Variants in UBE2D2 observed in about 807,000 individuals in gnomAD.
The protein encoded by UBE2D2 is ubiquitin-conjugating enzyme E2 D2.
In UBE2D2, 2 loss-of-function variants were observed where a neutral mutation model predicts 24.2. That is an observed-to-expected ratio of 0.08 (90% CI 0.03 to 0.26). UBE2D2 has a LOEUF of 0.26. UBE2D2 is among the 10% of genes least tolerant of loss of function. The pLI is 1.00. For missense variants in UBE2D2, 44 were observed against 177.6 expected (o/e 0.25, Z 4.28); for synonymous variants, 58 against 56.5 (o/e 1.03, Z -0.12).
chr5:139,538,968 C>T (rs1026904325), intron 1 of UBE2D2, among the ~76,000 whole-genome samples: 1 of 151,690 alleles, frequency 6.6e-6, no homozygotes, highest in Admixed American at 6.6e-5. Flanking sequence ...ACAAAAGGGA[C>T]GAATGTTGAC....
intron 1 of UBE2D2, among the ~76,000 whole-genome samples, chr5:139,596,919 C>T (rs1753975270): frequency 6.6e-6 from 1 of 151,744 alleles, no homozygotes; most frequent in Non-Finnish European, 1.5e-5. Flanking sequence ...TGGTGGTGGG[C>T]ACCTGTAGTC....
At position 139,627,852 on chromosome 5, in the gene UBE2D2, T is replaced by C. The variant is rs990409191; in HGVS notation, c.*1051T>C. The C allele has an allele frequency of 6.5e-6, 1 of 152,686 alleles. No individual in the cohort carries two copies. Among genetic ancestry groups the C allele is most frequent in the Non-Finnish European group, 1.5e-5 (1 of 68,042 alleles). The allele number at this position is 152,686 out of a possible 1,614,324, so 9.5% of individuals were successfully genotyped here. A position where few individuals can be genotyped will look rare whatever the true frequency, so the allele number is the denominator to read the frequency against. ...AAAAAGGATATCTTACGAGTAATTT[T>C]ATTGAACAAGTTAGAGGCATAAGCT... is the stretch of plus-strand genomic sequence containing the variant. On this transcript the variant is annotated 3_prime_UTR_variant, in exon 7 of 7. Coordinates refer to ENST00000398733, the MANE Select transcript of UBE2D2 (RefSeq NM_003339.3).
chr5:139,609,183 A>G (rs1754260985), intron 2 of UBE2D2, among the ~76,000 whole-genome samples: 1 of 152,214 alleles, frequency 6.6e-6, no homozygotes, highest in Non-Finnish European at 1.5e-5. Flanking sequence ...TGAAAAGACT[A>G]GTGAAGATCT....
At chr5:139,579,880 T>C (rs1379296537) in intron 1 of UBE2D2, among the ~76,000 whole-genome samples, 2 of 151,868 alleles carry the variant, frequency 1.3e-5, no homozygotes, top group Non-Finnish European at 2.9e-5. Context: ...ACCCTGTCTC[T>C]ACTAAAGATA....
chr5:139,595,824 A>G (rs1753946558), intron 1 of UBE2D2, among the ~76,000 whole-genome samples: 3 of 151,694 alleles, frequency 2.0e-5, no homozygotes, highest in South Asian at 2.1e-4. Flanking sequence ...TCTCACCCCT[A>G]AGCTTTCCTT....
intron 1 of UBE2D2, among the ~76,000 whole-genome samples, chr5:139,566,189 T>C (rs957989524): frequency 4.6e-5 from 7 of 152,064 alleles, no homozygotes; most frequent in African/African-American, 1.7e-4. Flanking sequence ...CAGCTAATTT[T>C]TGTATTTTTA....
At chr5:139,562,248 C>T in intron 1 of UBE2D2, 7 of 1,364,458 alleles carry the variant, frequency 5.1e-6, no homozygotes, top group Non-Finnish European at 6.8e-6. Context: ...CCCTAGCTCC[C>T]TCCACAAAAC....
intron 1 of UBE2D2, among the ~76,000 whole-genome samples, chr5:139,550,076 T>C (rs1156537805): frequency 6.6e-6 from 1 of 152,220 alleles, no homozygotes; most frequent in African/African-American, 2.4e-5. Flanking sequence ...CAGTGCTCTG[T>C]GTCTAATCTA....
At chr5:139,558,040 C>T (rs1581489092), upstream of UBE2D2, among the ~76,000 whole-genome samples, 1 of 151,140 alleles carries the variant, frequency 6.6e-6, no homozygotes, top group African/African-American at 2.4e-5. Context: ...TGGAGGCTGA[C>T]GTGTACCACT....
chr5:139,613,778 G>T (rs1029883828), intron 2 of UBE2D2, among the ~76,000 whole-genome samples: 17 of 152,110 alleles, frequency 1.1e-4, no homozygotes, highest in African/African-American at 3.9e-4. Context: ...TTTGTCCCCC[G>T]TATACCAGCA....
chr5:139,548,362 C>T (rs927892974), intron 1 of UBE2D2, among the ~76,000 whole-genome samples: 1 of 151,638 alleles, frequency 6.6e-6, no homozygotes, highest in Non-Finnish European at 1.5e-5. Flanking sequence ...GATTGAACCG[C>T]CAGACTGTTT....
At chr5:139,595,627 C>T (rs565473618) in intron 1 of UBE2D2, among the ~76,000 whole-genome samples, 1 of 152,034 alleles carries the variant, frequency 6.6e-6, no homozygotes, top group South Asian at 2.1e-4. Context: ...AGCCACTGTG[C>T]CCAGCCATGA....
chr5:139,534,366 A>G (rs2126628290), intron 1 of UBE2D2, among the ~76,000 whole-genome samples: 1 of 152,144 alleles, frequency 6.6e-6, no homozygotes, highest in East Asian at 1.9e-4. Context: ...GGAGATCGAG[A>G]CCATCCTGGC....
At chr5:139,556,414 T>A (rs371339441), upstream of UBE2D2, among the ~76,000 whole-genome samples, 1,179 of 148,400 alleles carry the variant, frequency 7.9e-3, 8 homozygotes, top group Middle Eastern at 0.041. Context: ...GTCTCAAAAA[T>A]AAGTAAACAA....
chr5:139,582,828 G>A (rs1487013115), intron 1 of UBE2D2, among the ~76,000 whole-genome samples: 3 of 151,424 alleles, frequency 2.0e-5, no homozygotes, highest in South Asian at 2.1e-4. Flanking sequence ...CCGCCGCCAC[G>A]CCCAGCTAAT....
intron 1 of UBE2D2, among the ~76,000 whole-genome samples, chr5:139,575,239 A>G (rs954603306): frequency 5.9e-5 from 9 of 152,204 alleles, no homozygotes; most frequent in African/African-American, 1.9e-4. Flanking sequence ...GGCTTTGTCA[A>G]TAGAGGGCAC....
intron 1 of UBE2D2, among the ~76,000 whole-genome samples, chr5:139,578,250 CTGTT>C (rs1189336390): frequency 6.6e-6 from 1 of 152,134 alleles, no homozygotes; most frequent in East Asian, 1.9e-4. Flanking sequence ...CAAGGAACAG[CTGTT>C]TGTCTGATCT....
chr5:139,546,823 TTCCTTCCTTCCTTCCTTCCTTCCTTC>T (rs1561498201), intron 1 of UBE2D2, among the ~76,000 whole-genome samples: 6 of 14,138 alleles, frequency 4.2e-4, no homozygotes, highest in African/African-American at 2.5e-3. Flanking sequence ...TCTTTCTTCC[TTCCTTCCTTCCTTCCTTCCTTCCTTC>T]CTTCCTTCCT....
chr5:139,557,394 C>G (rs184030497), upstream of UBE2D2, among the ~76,000 whole-genome samples: 76 of 152,132 alleles, frequency 5.0e-4, no homozygotes, highest in African/African-American at 1.8e-3. Context: ...CTCGGCTTCC[C>G]CAAGTGCTGA....
Sources: gnomAD v4.1 joint callset for allele counts (sites outside exome capture counted in the v4.1 genomes callset) on GRCh38, gnomAD v4.1.1 for gene constraint, MANE v1.5 for transcripts, NCBI Gene and HGNC (gene_info 2026-07-23, HGNC 2026-07-21) for gene names.